Variants in PI4K2A observed in about 807,000 individuals in gnomAD.
PI4K2A encodes the protein phosphatidylinositol 4-kinase type 2-alpha.
A neutral mutation model predicts 55.0 loss-of-function variants in PI4K2A; 20 were observed. The observed-to-expected ratio is 0.36, with a 90% CI of 0.26 to 0.53. PI4K2A has a LOEUF of 0.53. PI4K2A is among the 20% of genes least tolerant of loss of function. PI4K2A has a pLI of 0.91. For missense variants in PI4K2A, 463 were observed against 637.1 expected (o/e 0.73, Z 2.94); for synonymous variants, 235 against 258.5 (o/e 0.91, Z 0.87).
At chr10:97,668,603 T>C (rs1366322924) in intron 8 of PI4K2A, among the ~76,000 whole-genome samples, 1 of 152,006 alleles carries the variant, frequency 6.6e-6, no homozygotes, top group Non-Finnish European at 1.5e-5. Context: ...GTACCCACCT[T>C]ACAGAATTAT....
At chr10:97,651,238 G>A in intron 2 of PI4K2A, 97 bp downstream of exon 2, 1 of 855,236 alleles carries the variant, frequency 1.2e-6, no homozygotes, top group Non-Finnish European at 1.9e-6. Flanking sequence ...GTCCAGTGGG[G>A]TCATTTATAC....
chr10:97,645,198 T>C (rs1331705049), intron 1 of PI4K2A, among the ~76,000 whole-genome samples: 1 of 152,134 alleles, frequency 6.6e-6, no homozygotes, highest in East Asian at 1.9e-4. Context: ...ATATCACACA[T>C]GAAAGCCCTG....
At chr10:97,642,347 C>G (rs2041473937) in intron 1 of PI4K2A, among the ~76,000 whole-genome samples, 2 of 151,584 alleles carry the variant, frequency 1.3e-5, no homozygotes, top group African/African-American at 2.4e-5. Flanking sequence ...TTTACATAAA[C>G]TGAGTTGGGG....
exon 9 of PI4K2A, chr10:97,673,719 A>C: frequency 6.2e-7 from 1 of 1,614,060 alleles, no homozygotes; most frequent in Non-Finnish European, 8.5e-7. Flanking sequence ...TCAGAGCCGG[A>C]AGCCCTTCTT....
chr10:97,659,953 T>G (rs1038579279), intron 4 of PI4K2A, among the ~76,000 whole-genome samples: 1 of 151,978 alleles, frequency 6.6e-6, no homozygotes, highest in Non-Finnish European at 1.5e-5. Context: ...GAGTATTGAT[T>G]TTTACCTTTT....
At chr10:97,673,280 C>T (rs759334704) in intron 8 of PI4K2A, among the ~76,000 whole-genome samples, 3 of 152,202 alleles carry the variant, frequency 2.0e-5, no homozygotes, top group Non-Finnish European at 2.9e-5. Context: ...CGTGAGCCAG[C>T]GTGCCTGGCA....
chr10:97,647,648 A>T (rs780300549), intron 1 of PI4K2A, among the ~76,000 whole-genome samples: 1 of 152,210 alleles, frequency 6.6e-6, no homozygotes, highest in Non-Finnish European at 1.5e-5. Flanking sequence ...TGAGGCTTAC[A>T]CTTAGTCCTG....
At chr10:97,644,207 C>A in intron 1 of PI4K2A, among the ~76,000 whole-genome samples, 1 of 152,008 alleles carries the variant, frequency 6.6e-6, no homozygotes, top group Admixed American at 6.6e-5. Context: ...AAAAATTAGC[C>A]GAGCACTGTG....
chr10:97,656,269 T>G lies in PI4K2A; in HGVS notation c.637-16T>G. On this transcript the variant is annotated splice_polypyrimidine_tract_variant and intron_variant, in intron 2 of 8. Coordinates refer to ENST00000370631, the Ensembl canonical transcript of PI4K2A. The surrounding 1 kb of genome is among the most constrained non-coding windows in gnomAD (Gnocchi z 4.5). Reference sequence around the variant, plus strand: ...AACTTGACTCTAACCTTAGTATCTCTTCTCTTTCACTGTAGGTAGTATACC... The same window carrying G: ...AACTTGACTCTAACCTTAGTATCTCGTCTCTTTCACTGTAGGTAGTATACC... 6.2e-7 allele frequency: 1 copy of G among 1,609,754 alleles called. No individual in the cohort carries two copies.
chr10:97,649,609 A>ATCTTTTTTTTTT (rs2041520879), intron 1 of PI4K2A, among the ~76,000 whole-genome samples: 1 of 70,502 alleles, frequency 1.4e-5, no homozygotes, highest in African/African-American at 4.0e-5. Context: ...TCCATAATAG[A>ATCTTTTTTTTTT]TTTTTTTTTT....
At chr10:97,655,670 G>A (rs1330935545) in intron 2 of PI4K2A, among the ~76,000 whole-genome samples, 1 of 151,710 alleles carries the variant, frequency 6.6e-6, no homozygotes, top group Non-Finnish European at 1.5e-5. Flanking sequence ...TGCCTCCAAG[G>A]TTCAAGCCAT....
At chr10:97,666,633 T>A in intron 7 of PI4K2A, 62 bp downstream of exon 7, 7 of 1,441,528 alleles carry the variant, frequency 4.9e-6, no homozygotes, top group Admixed American at 2.1e-5. Context: ...ATGGTTTTTT[T>A]AATTGGTCCT....
exon 1 of PI4K2A, chr10:97,640,833 G>T: frequency 7.0e-7 from 1 of 1,420,004 alleles, no homozygotes. Flanking sequence ...CTTTCCGCAG[G>T]TGCCCGGGGG....
At chr10:97,671,464 A>T (rs918214372) in intron 8 of PI4K2A, among the ~76,000 whole-genome samples, 1 of 152,174 alleles carries the variant, frequency 6.6e-6, no homozygotes, top group African/African-American at 2.4e-5. Context: ...AAAAGAAAAA[A>T]AAAAATTAGG....
At chr10:97,658,243 G>A (rs1013828728) in intron 4 of PI4K2A, among the ~76,000 whole-genome samples, 1 of 152,128 alleles carries the variant, frequency 6.6e-6, no homozygotes, top group African/African-American at 2.4e-5. Flanking sequence ...CTGTTTCTAT[G>A]ATTTTGACTA....
At chr10:97,670,480 C>A (rs1162604622) in intron 8 of PI4K2A, among the ~76,000 whole-genome samples, 1 of 152,118 alleles carries the variant, frequency 6.6e-6, no homozygotes, top group Non-Finnish European at 1.5e-5. Flanking sequence ...TATTTAATTT[C>A]TCTCCCTAGA....
Position 97,672,725 on chromosome 10 carries a change from C to CTTTTTTTT in PI4K2A, c.1279-839_1279-832dup, listed in dbSNP as rs146627600. 6.0e-3 allele frequency among the ~76,000 whole-genome samples: 503 copies of CTTTTTTTT among 83,790 alleles called. 32 individuals carry two copies. Among genetic ancestry groups the CTTTTTTTT allele is most frequent in the African/African-American group, 0.012 (228 of 19,322 alleles). 55.0% of individuals were successfully genotyped at this position (83,790 alleles called of 152,430 possible). On this transcript the variant is annotated intron_variant, in intron 8 of 8. Transcript: ENST00000370631. Reference sequence around the variant, plus strand: ...GAATTGCCGAGTCAGAGGGTCTGTTCTTTTTTTTTTTTTTTTTTTTTTTTG... The same window carrying CTTTTTTTT: ...GAATTGCCGAGTCAGAGGGTCTGTTCTTTTTTTTTTTTTTTTTTTTTTTTTTTTTTTTG...
rs80085202 is a variant in PI4K2A at position 97,673,549 on chromosome 10, C to T, written c.1279-32C>T. On this transcript the variant is annotated intron_variant, in intron 8 of 8. Transcript: ENST00000370631. ...AGGCAGATCTGGAATGCTGAGGCCT[C>T]TCCCTCACCCATCTCCTTTTTCCCA... 8,855 of 1,595,682 alleles carry T rather than the reference C, an allele frequency of 5.5e-3. 451 individuals carry two copies. In the African/African-American group the frequency reaches 0.1, roughly 18 times the overall value.
At chr10:97,651,104 A>G in exon 2 of PI4K2A, 2 of 1,613,660 alleles carry the variant, frequency 1.2e-6, no homozygotes, top group Non-Finnish European at 1.7e-6. Flanking sequence ...AGCCTGGTGG[A>G]CCAAAAACTG....
Sources: gnomAD v4.1 joint callset for allele counts (sites outside exome capture counted in the v4.1 genomes callset) on GRCh38, gnomAD v4.1.1 for gene constraint, Gnocchi (gnomAD v3.1) non-coding constraint, MANE v1.5 for transcripts, NCBI Gene and HGNC (gene_info 2026-07-23, HGNC 2026-07-21) for gene names.